DNAH10: variants seen among roughly 807,000 people sequenced by gnomAD.
DNAH10 encodes axonemal beta dynein heavy chain 10.
DNAH10 carries 348 observed loss-of-function variants against 506.6 expected under a neutral mutation model. The ratio of observed to expected loss-of-function variants is 0.69; its 90% CI spans 0.63 to 0.75. The LOEUF is 0.75. Among genes scored for constraint, DNAH10 ranks in the 30% least tolerant of loss-of-function variants. DNAH10 has a pLI of 0.00. For synonymous variants in DNAH10, 2,059 were observed against 2,198.6 expected (o/e 0.94, Z 1.78); for missense variants, 5,179 against 5,787.1 (o/e 0.89, Z 3.41).
chr12:123,834,426 T>C (rs1435844522), intron 27 of DNAH10, among the ~76,000 whole-genome samples: 2 of 152,192 alleles, frequency 1.3e-5, no homozygotes, highest in Non-Finnish European at 2.9e-5. Flanking sequence ...CAGGCTGGTC[T>C]TGAACTCCTG....
chr12:123,815,278 G>A (rs1045590788), intron 21 of DNAH10, among the ~76,000 whole-genome samples: 6 of 151,788 alleles, frequency 4.0e-5, no homozygotes, highest in African/African-American at 1.5e-4. Context: ...TAGGTACTTG[G>A]TATTTTTAGA....
At chr12:123,924,635 C>T (rs187691944) in intron 67 of DNAH10, among the ~76,000 whole-genome samples, 18 of 150,486 alleles carry the variant, frequency 1.2e-4, no homozygotes, top group East Asian at 3.9e-4. Context: ...TCTACCTGTC[C>T]GTCCGTCCAT....
intron 21 of DNAH10, among the ~76,000 whole-genome samples, chr12:123,815,182 T>C (rs1019875167): frequency 6.6e-6 from 1 of 152,196 alleles, no homozygotes; most frequent in African/African-American, 2.4e-5. Context: ...GTTCTCTCTC[T>C]CTTTATTTAG....
chr12:123,815,420 G>A (rs1387532290), intron 21 of DNAH10, among the ~76,000 whole-genome samples: 1 of 152,048 alleles, frequency 6.6e-6, no homozygotes, highest in African/African-American at 2.4e-5. Context: ...TTTATCCACA[G>A]ATTATTTTGG....
At position 123,925,120 on chromosome 12, in the gene DNAH10, A is replaced by C; in HGVS notation, c.11837A>C (p.Gln3946Pro). The change falls in exon 68 of 79, where the codon CAG becomes CCG. Residue 3946 changes from glutamine to proline, a missense_variant. Physicochemically the swap from Gln to Pro is moderately conservative, Grantham distance 76. Coordinates refer to ENST00000673944, the MANE Select transcript of DNAH10 (RefSeq NM_001372106.1). This position sits in a 1 kb window ranked among gnomAD's most constrained non-coding sequence, Gnocchi z 4.0. The stretch of plus-strand genomic sequence containing the variant: ...TACGATAACAACATCACCCCTTTCC[A>C]GAAGTTGCTTATTTTGCGCTGTTTC... ...LGYDNNITPFQKLLILRCFRV... is the reference protein window; with the variant it reads ...LGYDNNITPFPKLLILRCFRV... 6.2e-7 allele frequency: 1 copy of C among 1,613,998 alleles called. No individual in the cohort carries two copies. Among genetic ancestry groups the C allele is most frequent in the Non-Finnish European group, 8.5e-7 (1 of 1,179,882 alleles).
chr12:123,931,225 T>A, intron 73 of DNAH10, 116 bp from the exon 74 acceptor site: 1 of 1,416,956 alleles, frequency 7.1e-7, no homozygotes, highest in Non-Finnish European at 9.3e-7. Flanking sequence ...AAAAAAAAAG[T>A]CACCCTCTAA....
Position 123,762,719 on chromosome 12 carries a change from C to CA in DNAH10, c.214+170dup, listed in dbSNP as rs138129021. ...GCAGGCCCCGGGCGAACCCAGCAATCACAGCCGTCCCTGCCCTCCTGGGCC... is the reference window on the plus strand; with the variant it reads ...GCAGGCCCCGGGCGAACCCAGCAATCAACAGCCGTCCCTGCCCTCCTGGGCC... On this transcript the variant is annotated intron_variant, in intron 1 of 78. Coordinates refer to ENST00000673944, the MANE Select transcript of DNAH10 (RefSeq NM_001372106.1). This position sits in a 1 kb window ranked among gnomAD's most constrained non-coding sequence, Gnocchi z 5.0. Among the ~76,000 whole-genome samples the CA allele has an allele frequency of 1.4e-3, 207 of 152,344 alleles. 4 individuals are homozygous for CA. The East Asian group carries it at 0.038, about 28-fold the overall frequency.
chr12:123,780,045 A>G (rs1011817764), intron 5 of DNAH10, among the ~76,000 whole-genome samples: 3 of 152,088 alleles, frequency 2.0e-5, no homozygotes, highest in African/African-American at 7.2e-5. Context: ...TGAAGAAACT[A>G]TGTCCTCAAG....
In DNAH10 at chr12:123,762,638, CCCATCGT is replaced by C; in HGVS notation, c.214+91_214+97del. 7.3e-6 allele frequency: 10 copies of C among 1,370,410 alleles called. No homozygotes were observed. The highest frequency in any genetic ancestry group is 9.8e-6 in the Non-Finnish European group (10 of 1,023,648). 84.9% of individuals were successfully genotyped at this position (1,370,410 alleles called of 1,614,324 possible). On this transcript the variant is annotated intron_variant, in intron 1 of 78. Transcript: ENST00000673944. This position sits in a 1 kb window ranked among gnomAD's most constrained non-coding sequence, Gnocchi z 5.0. ...CGGGCGCCGGGGCTGCTAGAGCCTGCCCATCGTCCGGCCCCGGCCTCAGGTGCTGTCC... is the reference window on the plus strand; with the variant it reads ...CGGGCGCCGGGGCTGCTAGAGCCTGCCCGGCCCCGGCCTCAGGTGCTGTCC...
Position 123,896,148 on chromosome 12 carries a change from C to CACATAGAGAGAG in DNAH10, c.9280+1426_9280+1427insCATAGAGAGAGA, listed in dbSNP as rs1383690518. On this transcript the variant is annotated intron_variant, in intron 54 of 78. Coordinates refer to ENST00000673944, the MANE Select transcript of DNAH10 (RefSeq NM_001372106.1). ...ACACACACACACACACACACACACA[C>CACATAGAGAGAG]AGAGAGAGAGAGAGAGAGAGAGAGA... 7.0e-4 allele frequency among the ~76,000 whole-genome samples: 67 copies of CACATAGAGAGAG among 95,324 alleles called. 1 individual carries two copies. The highest frequency in any genetic ancestry group is 5.4e-3 in the Middle Eastern group (1 of 184). 62.5% of individuals were successfully genotyped at this position (95,324 alleles called of 152,430 possible).
Position 123,860,996 on chromosome 12 carries a change from G to A in DNAH10, c.6750-16G>A. 6.2e-7 allele frequency: 1 copy of A among 1,613,922 alleles called. No homozygotes were observed. Among genetic ancestry groups the A allele is most frequent in the Non-Finnish European group, 8.5e-7 (1 of 1,179,894 alleles). On this transcript the variant is annotated splice_polypyrimidine_tract_variant and intron_variant, in intron 38 of 78. Coordinates refer to ENST00000673944, the MANE Select transcript of DNAH10 (RefSeq NM_001372106.1). Reference sequence around the variant, plus strand: ...TTAGTTGTCTTGAACCATGGCTAAAGCCTCTCTTGATTTAGGCTTGGGCTG... The same window carrying A: ...TTAGTTGTCTTGAACCATGGCTAAAACCTCTCTTGATTTAGGCTTGGGCTG...
Position 123,801,307 on chromosome 12 carries a change from T to C in DNAH10, c.2489T>C (p.Leu830Ser). The C allele has an allele frequency of 6.2e-7, 1 of 1,614,180 alleles. No individual in the cohort carries two copies. Among genetic ancestry groups the C allele is most frequent in the Non-Finnish European group, 8.5e-7 (1 of 1,180,020 alleles). ...LRYTAGIQRM[L>S]DHYHMLIGTL... ...TACACAGCTGGGATACAGCGCATGT[T>C]GGATCATTATCACATGCTCATAGGA... The change falls in exon 16 of 79, where the codon TTG (leucine) becomes TCG (serine). Residue 830 changes from leucine to serine, a missense_variant. By Grantham distance (145) the Leu-to-Ser change is moderately radical. This residue lies in a region of DNAH10 where 4,844 missense variants were observed against 5,430.5 expected (regional missense o/e 0.89). Coordinates refer to ENST00000673944, the MANE Select transcript of DNAH10 (RefSeq NM_001372106.1).
intron 14 of DNAH10, among the ~76,000 whole-genome samples, chr12:123,799,602 A>G (rs1958409793): frequency 6.6e-6 from 1 of 152,186 alleles, no homozygotes; most frequent in Non-Finnish European, 1.5e-5. Context: ...AAGTGGCTGA[A>G]TACCAAGCCT....
At position 123,917,694 on chromosome 12, in the gene DNAH10, AACCTGCTCAAGG is replaced by A. The variant is rs1449477024; in HGVS notation, c.11119_11130del (p.Leu3707_Leu3710del). 8 of 1,556,414 alleles carry A rather than the reference AACCTGCTCAAGG, an allele frequency of 5.1e-6. No individual in the cohort carries two copies. The East Asian group carries it at 1.9e-4, about 38-fold the overall frequency. ...CATCCAGGAGACCAGCGAGAACAAG[AACCTGCTCAAGG>A]ACCTGGAAGATTCCCTCCTTCGGGA... is the stretch of plus-strand genomic sequence containing the variant. On this transcript the variant is annotated inframe_deletion, in exon 64 of 79. Transcript: ENST00000673944. The surrounding 1 kb of genome is among the most constrained non-coding windows in gnomAD (Gnocchi z 5.6).
rs1230126507 is a variant in DNAH10 at position 123,909,534 on chromosome 12, G to A, written c.9997+92G>A. ...GGGATGGAGGGCAAGGAGGCTTGTC[G>A]TGGGCAGGCCCTCCCCTTCTGGTCA... On this transcript the variant is annotated intron_variant, in intron 58 of 78. Transcript: ENST00000673944. This position sits in a 1 kb window ranked among gnomAD's most constrained non-coding sequence, Gnocchi z 5.4. 1.3e-5 allele frequency: 19 copies of A among 1,430,986 alleles called. No homozygotes were observed. Among genetic ancestry groups the A allele is most frequent in the South Asian group, 1.2e-4 (8 of 69,046 alleles). 88.6% of individuals were successfully genotyped at this position (1,430,986 alleles called of 1,614,324 possible). A position where few individuals can be genotyped will look rare whatever the true frequency, so the allele number is the denominator to read the frequency against.
chr12:123,929,482 C>T lies in DNAH10; in HGVS notation c.12514C>T (p.Gln4172Ter), dbSNP rs745910712. 2 of 1,612,570 alleles carry T rather than the reference C, an allele frequency of 1.2e-6. No individual in the cohort carries two copies. Among genetic ancestry groups the T allele is most frequent in the African/African-American group, 1.3e-5 (1 of 75,044 alleles). The change falls in exon 71 of 79, where the codon CAG becomes TAG. Residue 4172 changes from glutamine to a stop codon, truncating the protein, a stop_gained and splice_region_variant. Coordinates refer to ENST00000673944, the MANE Select transcript of DNAH10 (RefSeq NM_001372106.1). LOFTEE classifies it high-confidence loss of function. The part of the protein sequence containing the change: ...VYYDFNESDF[Q>*]VCMEILNTYL... ...CTATGACTTCAATGAGTCTGACTTC[C>T]AGGTGACAGTGGCTGCTTCTCCTTG... is the stretch of plus-strand genomic sequence containing the variant.
intron 37 of DNAH10, among the ~76,000 whole-genome samples, chr12:123,858,787 A>G (rs1464434730): frequency 6.6e-6 from 1 of 152,276 alleles, no homozygotes; most frequent in South Asian, 2.1e-4. Flanking sequence ...TACAACATGG[A>G]TGAGCTTTGA....
At chr12:123,934,189 C>T (rs552839988) in intron 77 of DNAH10, 24 of 700,740 alleles carry the variant, frequency 3.4e-5, no homozygotes, top group Admixed American at 1.0e-4. Flanking sequence ...TCCTCCTCCC[C>T]GGAGACCACT....
chr12:123,901,184 C>G (rs1953502635), intron 56 of DNAH10, among the ~76,000 whole-genome samples: 1 of 152,230 alleles, frequency 6.6e-6, no homozygotes, highest in Non-Finnish European at 1.5e-5. Flanking sequence ...AGGCTGCTCC[C>G]CACACTGAGG....
Sources: gnomAD v4.1 joint callset for allele counts (sites outside exome capture counted in the v4.1 genomes callset) on GRCh38, gnomAD v4.1.1 for gene constraint, gnomAD v4.1.1 regional missense constraint, Gnocchi (gnomAD v3.1) non-coding constraint, MANE v1.5 for transcripts, NCBI Gene and HGNC (gene_info 2026-07-23, HGNC 2026-07-21) for gene names.